STEAP1B: variants seen among roughly 807,000 people sequenced by gnomAD.
STEAP1B encodes STEAP family member 1B.
STEAP1B carries 13 observed loss-of-function variants against 27.9 expected under a neutral mutation model. The ratio of observed to expected loss-of-function variants is 0.47; its 90% CI spans 0.30 to 0.74. The LOEUF is 0.74. STEAP1B is among the 30% of genes least tolerant of loss of function. The pLI, the probability that STEAP1B is intolerant of heterozygous loss-of-function variation, is 0.06. For synonymous variants in STEAP1B, 86 were observed against 107.1 expected (o/e 0.80, Z 1.22); for missense variants, 250 against 298.7 (o/e 0.84, Z 1.20).
chr7:22,482,237 C>T (rs1786091711), intron 4 of STEAP1B, among the ~76,000 whole-genome samples: 3 of 152,176 alleles, frequency 2.0e-5, no homozygotes, highest in South Asian at 4.1e-4. Flanking sequence ...TGAGACTGGG[C>T]TTCGTGTTCC....
At chr7:22,429,892 A>G (rs548813573) in intron 4 of STEAP1B, among the ~76,000 whole-genome samples, 1 of 152,300 alleles carries the variant, frequency 6.6e-6, no homozygotes, top group Admixed American at 6.5e-5. Flanking sequence ...TTGGGCATCT[A>G]TATCTGTAGT....
At chr7:22,487,409 T>C (rs754976618) in intron 4 of STEAP1B, among the ~76,000 whole-genome samples, 54 of 152,106 alleles carry the variant, frequency 3.6e-4, no homozygotes, top group Admixed American at 9.2e-4. Context: ...CTAACCCTAA[T>C]GACAAAAACC....
intron 4 of STEAP1B, among the ~76,000 whole-genome samples, chr7:22,466,093 G>A (rs1240053460): frequency 6.6e-6 from 1 of 152,118 alleles, no homozygotes; most frequent in Non-Finnish European, 1.5e-5. Flanking sequence ...ACTGCTCTCA[G>A]CTCCATTTAC....
intron 4 of STEAP1B, among the ~76,000 whole-genome samples, chr7:22,463,059 G>A (rs1785708442): frequency 6.6e-6 from 1 of 151,938 alleles, no homozygotes; most frequent in Non-Finnish European, 1.5e-5. Flanking sequence ...CATGTCCTTT[G>A]CCCACTTTTT....
intron 4 of STEAP1B, among the ~76,000 whole-genome samples, chr7:22,491,469 C>T (rs1236346690): frequency 4.0e-5 from 6 of 151,756 alleles, no homozygotes; most frequent in South Asian, 4.2e-4. Flanking sequence ...ATCATGAGAG[C>T]GAAAGGGAGA....
chr7:22,423,001 C>A (rs568679115), intron 4 of STEAP1B, among the ~76,000 whole-genome samples: 1 of 152,194 alleles, frequency 6.6e-6, no homozygotes, highest in South Asian at 2.1e-4. Flanking sequence ...GAATTTGATA[C>A]AATAAAAAGA....
In STEAP1B at chr7:22,475,113, C is replaced by A. The variant is rs148025275; in HGVS notation, c.762+17452G>T. The stretch of plus-strand genomic sequence containing the variant: ...CCCTGAGTCTCTCCAGGCTTGAAGG[C>A]AGGGGTTCATCTGCATCTCATTTTA... On this transcript the variant is annotated intron_variant, in intron 4 of 4. Coordinates refer to ENST00000678116, the MANE Select transcript of STEAP1B (RefSeq NM_001382447.1). 2.4e-3 allele frequency among the ~76,000 whole-genome samples: 358 copies of A among 152,294 alleles called. 2 individuals are homozygous for A. Among genetic ancestry groups the A allele is most frequent in the African/African-American group, 8.3e-3 (343 of 41,552 alleles).
At chr7:22,442,523 G>A (rs1369863298) in intron 4 of STEAP1B, among the ~76,000 whole-genome samples, 1 of 152,252 alleles carries the variant, frequency 6.6e-6, no homozygotes, top group African/African-American at 2.4e-5. Flanking sequence ...AAGTCTTGAA[G>A]AGCTCTTTCC....
chr7:22,468,376 CA>C (rs574263734), intron 4 of STEAP1B, among the ~76,000 whole-genome samples: 1 of 151,892 alleles, frequency 6.6e-6, no homozygotes, highest in South Asian at 2.1e-4. Flanking sequence ...GTAGTTTTCC[CA>C]AAAAATCTGT....
intron 4 of STEAP1B, among the ~76,000 whole-genome samples, chr7:22,436,071 C>A (rs539753036): frequency 3.2e-4 from 49 of 152,298 alleles, no homozygotes; most frequent in Non-Finnish European, 5.7e-4. Flanking sequence ...TCCTTAACAT[C>A]TCTAAGCCTT....
chr7:22,476,131 A>G (rs555462480), intron 4 of STEAP1B, among the ~76,000 whole-genome samples: 5 of 152,302 alleles, frequency 3.3e-5, no homozygotes, highest in Admixed American at 2.6e-4. Context: ...GCTGGGCTTC[A>G]TGTCCCATTT....
At chr7:22,475,058 C>T (rs948930600) in intron 4 of STEAP1B, among the ~76,000 whole-genome samples, 2 of 152,284 alleles carry the variant, frequency 1.3e-5, no homozygotes, top group East Asian at 1.9e-4. Flanking sequence ...CTCATAGTAT[C>T]CTCATCTCCC....
chr7:22,466,189 G>A (rs553831561), intron 4 of STEAP1B, among the ~76,000 whole-genome samples: 1 of 152,252 alleles, frequency 6.6e-6, no homozygotes, highest in Admixed American at 6.5e-5. Flanking sequence ...GACAAAAGTT[G>A]TATATATTTC....
At chr7:22,459,215 A>G (rs1256186153) in intron 4 of STEAP1B, among the ~76,000 whole-genome samples, 1 of 152,200 alleles carries the variant, frequency 6.6e-6, no homozygotes, top group African/African-American at 2.4e-5. Context: ...CTTTGATTCA[A>G]TTTCATGATT....
chr7:22,441,296 T>C (rs1785330102), intron 4 of STEAP1B, among the ~76,000 whole-genome samples: 1 of 152,216 alleles, frequency 6.6e-6, no homozygotes, highest in Admixed American at 6.5e-5. Flanking sequence ...TGCATCATTC[T>C]TTCCCACCCT....
intron 4 of STEAP1B, among the ~76,000 whole-genome samples, chr7:22,457,896 G>A (rs1785614051): frequency 6.6e-6 from 1 of 152,192 alleles, no homozygotes; most frequent in Non-Finnish European, 1.5e-5. Flanking sequence ...GCGTTACTCT[G>A]CAATGAAATC....
At chr7:22,434,210 AGGGACAGGAAG>A (rs944851274) in intron 4 of STEAP1B, among the ~76,000 whole-genome samples, 9 of 152,236 alleles carry the variant, frequency 5.9e-5, no homozygotes, top group African/African-American at 1.9e-4. Flanking sequence ...GGGCCCCTCC[AGGGACAGGAAG>A]GGGACAGGAA....
At chr7:22,423,603 G>C (rs1004145391) in intron 4 of STEAP1B, among the ~76,000 whole-genome samples, 5 of 152,224 alleles carry the variant, frequency 3.3e-5, no homozygotes, top group Admixed American at 6.5e-5. Flanking sequence ...CCTAGGGCTG[G>C]GGTTAGGAAT....
chr7:22,459,264 G>T (rs1420478031), intron 4 of STEAP1B, among the ~76,000 whole-genome samples: 7 of 152,210 alleles, frequency 4.6e-5, no homozygotes, highest in Non-Finnish European at 7.3e-5. Flanking sequence ...GCTTGGGGCT[G>T]TTGCCCATTT....
Sources: gnomAD v4.1 joint callset for allele counts (sites outside exome capture counted in the v4.1 genomes callset) on GRCh38, gnomAD v4.1.1 for gene constraint, MANE v1.5 for transcripts, NCBI Gene and HGNC (gene_info 2026-07-23, HGNC 2026-07-21) for gene names.